The following MED23 variants were observed in gnomAD, a reference collection of about 807,000 sequenced individuals.
The protein encoded by MED23 is mediator complex subunit 23, also known as mediator of RNA polymerase II transcription subunit 23.
MED23 carries 105 observed loss-of-function variants against 163.9 expected under a neutral mutation model. The observed-to-expected ratio is 0.64, with a 90% CI of 0.55 to 0.75. MED23 has a LOEUF of 0.75. Ranked by LOEUF, MED23 falls within the 30% of genes least tolerant of loss-of-function variation. The pLI is 0.00. For missense variants in MED23, 1,054 were observed against 1,649.0 expected (o/e 0.64, Z 6.25); for synonymous variants, 561 against 565.6 (o/e 0.99, Z 0.12).
chr6:131,577,818 T>TG (rs1254614142), intron 30 of MED23, among the ~76,000 whole-genome samples: 2 of 148,338 alleles, frequency 1.3e-5, no homozygotes, highest in Non-Finnish European at 3.0e-5. Context: ...GGCAGGAGAA[T>TG]GGCTTGAACC....
At chr6:131,609,274 TCAA>T (rs1452129048) in intron 11 of MED23, among the ~76,000 whole-genome samples, 2 of 152,186 alleles carry the variant, frequency 1.3e-5, no homozygotes. Context: ...ACATGGCCAT[TCAA>T]AGTTCTCCAT....
At chr6:131,582,668 C>G (rs1171036648), downstream of MED23, 1 of 1,613,794 alleles carries the variant, frequency 6.2e-7, no homozygotes. Flanking sequence ...GTATATCTGC[C>G]AAGGATATTG....
chr6:131,583,932 C>A, downstream of MED23: 1 of 1,610,448 alleles, frequency 6.2e-7, no homozygotes, highest in Non-Finnish European at 8.5e-7. Context: ...CGATATAAAT[C>A]TCATAGTTAA....
rs770798536 is a variant in MED23 at position 131,623,369 on chromosome 6, A to G, written c.378T>C (p.Ile126=). 6.2e-7 allele frequency: 1 copy of G among 1,613,576 alleles called. No individual in the cohort carries two copies. Among genetic ancestry groups the G allele is most frequent in the Non-Finnish European group, 8.5e-7 (1 of 1,179,566 alleles). Reference sequence around the variant, plus strand: ...AATATACCTTGTAATCCACTCCCCCAATTATTTTCCGAACCAGTTTAAATG... The same window carrying G: ...AATATACCTTGTAATCCACTCCCCCGATTATTTTCCGAACCAGTTTAAATG... ...ALTFKLVRKI[I]GGVDYKGVRD... The change falls in exon 5 of 29, where the codon ATT becomes ATC. Residue 126 remains isoleucine, a synonymous_variant. Coordinates refer to ENST00000368068, the MANE Select transcript of MED23 (RefSeq NM_004830.4).
chr6:131,601,498 T>G (rs1402889723), intron 17 of MED23, among the ~76,000 whole-genome samples: 1 of 152,212 alleles, frequency 6.6e-6, no homozygotes, highest in Non-Finnish European at 1.5e-5. Context: ...CTGGGGGTTT[T>G]GGATTCCATA....
chr6:131,625,213 T>C (rs1777397334), intron 3 of MED23, among the ~76,000 whole-genome samples: 4 of 152,242 alleles, frequency 2.6e-5, no homozygotes, highest in Middle Eastern at 3.2e-3. Context: ...AATGCTACCA[T>C]TTTTATTACA....
At chr6:131,624,666 G>A (rs1777351965) in intron 4 of MED23, among the ~76,000 whole-genome samples, 199 bp downstream of exon 4, 1 of 152,130 alleles carries the variant, frequency 6.6e-6, no homozygotes, top group African/African-American at 2.4e-5. Flanking sequence ...GAAACATCTG[G>A]TTTTGAGCCC....
At chr6:131,596,816 T>A (rs1201753477) in intron 20 of MED23, 128 bp from the exon 21 acceptor site, 5 of 875,788 alleles carry the variant, frequency 5.7e-6, no homozygotes, top group East Asian at 5.3e-5. Context: ...GTCTAGTCTA[T>A]CCCAAACCAA....
At chr6:131,603,756 A>C (rs1407029547) in intron 15 of MED23, among the ~76,000 whole-genome samples, 2 of 148,124 alleles carry the variant, frequency 1.4e-5, no homozygotes, top group Admixed American at 6.7e-5. Context: ...CTATATAATA[A>C]ATGAGACATT....
rs1775261224 is a variant in MED23, at chr6:131,598,817, A to G, written c.2221-56T>C. 1.3e-6 allele frequency: 2 copies of G among 1,515,828 alleles called. No homozygotes were observed. The highest frequency in any genetic ancestry group is 1.8e-6 in the Non-Finnish European group (2 of 1,091,944). 93.9% of individuals were successfully genotyped at this position (1,515,828 alleles called of 1,614,324 possible). On this transcript the variant is annotated intron_variant, in intron 18 of 28. Coordinates refer to ENST00000368068, the MANE Select transcript of MED23 (RefSeq NM_004830.4). This position sits in a 1 kb window ranked among gnomAD's most constrained non-coding sequence, Gnocchi z 4.7. ...GGTTATAGTAGAAAGAGCACTGGAT[A>G]TGGAGTTAATAAACCAGTTCTAGAC...
In MED23 at chr6:131,620,736, A is replaced by G. The variant is rs746333040; in HGVS notation, c.496-7T>C. 4 of 1,571,410 alleles carry G rather than the reference A, an allele frequency of 2.5e-6. No individual in the cohort carries two copies. The highest frequency in any genetic ancestry group is 3.5e-6 in the Non-Finnish European group (4 of 1,141,714). ...CCAAGATATATGCTATAACCTAAGA[A>G]AAACAAAAAGGCCACATCATTCTTG... On this transcript the variant is annotated splice_region_variant and splice_polypyrimidine_tract_variant and intron_variant, in intron 6 of 28. Transcript: ENST00000368068.
At chr6:131,574,059 A>G in exon 31 of MED23, 1 of 587,386 alleles carries the variant, frequency 1.7e-6, no homozygotes, top group East Asian at 2.9e-5. Flanking sequence ...GCAACATTGA[A>G]TACACTTTTT....
In MED23 at chr6:131,624,967, T is replaced by C; in HGVS notation, c.182A>G (p.Gln61Arg). ...ACCATGAATAAACTTAACAATCCAC[T>C]GGATACACTGTTCATGAGACTCCTG... ...LSQESHEQCI[Q>R]WIVKFIHGQH... is the part of the protein sequence containing the mutation. The change falls in exon 4 of 29, where the codon CAG becomes CGG. Residue 61 changes from glutamine to arginine, a missense_variant. Transcript: ENST00000368068. 6.2e-7 allele frequency: 1 copy of C among 1,613,766 alleles called. No homozygotes were observed. Among genetic ancestry groups the C allele is most frequent in the Non-Finnish European group, 8.5e-7 (1 of 1,179,920 alleles).
intron 8 of MED23, 111 bp downstream of exon 8, chr6:131,619,716 A>G: frequency 1.2e-6 from 1 of 833,190 alleles, no homozygotes; most frequent in Admixed American, 1.9e-5. Context: ...GAGAGTCACC[A>G]AAATGACAAG....
intron 22 of MED23, 49 bp downstream of exon 22, chr6:131,595,898 C>T: frequency 7.1e-7 from 1 of 1,401,952 alleles, no homozygotes; most frequent in Non-Finnish European, 1.0e-6. Flanking sequence ...GCCCATCCTA[C>T]TTTTGATAAT....
downstream of MED23, chr6:131,583,726 CA>C: frequency 6.2e-7 from 1 of 1,611,192 alleles, no homozygotes. Context: ...TACATTATTA[CA>C]ATTTGTTGTT....
intron 30 of MED23, chr6:131,581,135 C>A: frequency 7.1e-7 from 1 of 1,416,530 alleles, no homozygotes; most frequent in Non-Finnish European, 9.9e-7. Context: ...CAAAGGAAAA[C>A]CAAGTGGGAG....
rs1245965090 is a variant in MED23 at position 131,627,451 on chromosome 6, G to C, written c.104C>G (p.Thr35Arg). Residue 35 changes from threonine (T) to arginine (R), a missense_variant, in exon 3 of 29, where the codon ACA becomes AGA. Thr to Arg is a moderately conservative substitution (Grantham distance 71). Transcript: ENST00000368068. The stretch of plus-strand genomic sequence containing the variant: ...GGCCCCCAAACAGCTAATTAGTTTT[G>C]TTTTCTCATCTTCAGGAGTATCCAT... ...MFMDTPEDEKTKLISCLGAFR... is the reference protein window; with the variant it reads ...MFMDTPEDEKRKLISCLGAFR... 6.2e-7 allele frequency: 1 copy of C among 1,612,980 alleles called. No individual in the cohort carries two copies. The highest frequency in any genetic ancestry group is 8.5e-7 in the Non-Finnish European group (1 of 1,179,632).
rs567841635 is a variant in MED23 at position 131,619,880 on chromosome 6, A to G, written c.614T>C (p.Val205Ala). 6.6e-5 allele frequency: 106 copies of G among 1,611,190 alleles called. 1 individual carries two copies. The South Asian group carries it at 9.7e-4, about 15-fold the overall frequency. The change falls in exon 8 of 29, where the codon GTA (valine) becomes GCA (alanine). Residue 205 changes from valine to alanine, a missense_variant. By Grantham distance (64) the Val-to-Ala change is moderately conservative. Transcript: ENST00000368068. ...CCTGAAGGTATCCACAAAGTCTGAT[A>G]CTAGGTTTCCAAGTAACTAAAGAGA... is the stretch of plus-strand genomic sequence containing the variant. Reference protein sequence around the residue: ...KLPHWLLGNLVSDFVDTFRPT... With the variant: ...KLPHWLLGNLASDFVDTFRPT...
Sources: gnomAD v4.1 joint callset for allele counts (sites outside exome capture counted in the v4.1 genomes callset) on GRCh38, gnomAD v4.1.1 for gene constraint, Gnocchi (gnomAD v3.1) non-coding constraint, MANE v1.5 for transcripts, NCBI Gene and HGNC (gene_info 2026-07-23, HGNC 2026-07-21) for gene names.